The following DNM3 variants were observed in gnomAD, a reference collection of about 807,000 sequenced individuals.
The protein encoded by DNM3 is dynamin-3.
Under a neutral mutation model 101.6 loss-of-function variants are expected in DNM3, and 47 were observed. The observed-to-expected ratio is 0.46, with a 90% CI of 0.37 to 0.59. DNM3 has a LOEUF of 0.59. Ranked by LOEUF, DNM3 falls within the 20% of genes least tolerant of loss-of-function variation. The probability of loss-of-function intolerance (pLI) is 0.00; values close to 1 mark genes in which losing one functional copy is unlikely to be tolerated. For missense variants in DNM3, 849 were observed against 1,085.7 expected, an observed-to-expected ratio of 0.78 and a Z score of 3.06; for synonymous variants, 385 against 387.9, an observed-to-expected ratio of 0.99 and a Z score of 0.09.
chr1:171,902,831 A>T (rs1330986974), intron 1 of DNM3, among the ~76,000 whole-genome samples: 4 of 152,202 alleles, frequency 2.6e-5, no homozygotes, highest in Non-Finnish European at 5.9e-5. Flanking sequence ...CTGTGCTATG[A>T]GTGAAAAATT....
intron 2 of DNM3, among the ~76,000 whole-genome samples, chr1:171,980,880 C>T (rs1050692636): frequency 6.6e-6 from 1 of 150,786 alleles, no homozygotes; most frequent in Non-Finnish European, 1.5e-5. Flanking sequence ...AGGTGATTCT[C>T]CTGCCTCAGC....
intron 13 of DNM3, among the ~76,000 whole-genome samples, chr1:172,109,815 C>T (rs1174385956): frequency 2.0e-5 from 3 of 152,136 alleles, no homozygotes; most frequent in Admixed American, 2.0e-4. Context: ...TATTAAGTTT[C>T]CTCCTGGAGT....
At chr1:172,334,569 G>A (rs2066335375) in intron 17 of DNM3, among the ~76,000 whole-genome samples, 1 of 152,174 alleles carries the variant, frequency 6.6e-6, no homozygotes, top group African/African-American at 2.4e-5. Flanking sequence ...ATTTGGACCT[G>A]TGTCCTTCAT....
intron 11 of DNM3, among the ~76,000 whole-genome samples, chr1:172,077,503 G>A (rs940316896): frequency 6.6e-6 from 1 of 152,132 alleles, no homozygotes; most frequent in African/African-American, 2.4e-5. Context: ...AGAGATTCTG[G>A]TACATTGTGT....
intron 17 of DNM3, among the ~76,000 whole-genome samples, chr1:172,363,953 T>C (rs1156931666): frequency 6.6e-6 from 1 of 151,948 alleles, no homozygotes; most frequent in Non-Finnish European, 1.5e-5. Context: ...TCCATAGCCT[T>C]GCCTGGCTCC....
chr1:171,846,173 C>T (rs2032061028), intron 1 of DNM3, among the ~76,000 whole-genome samples: 1 of 152,086 alleles, frequency 6.6e-6, no homozygotes, highest in African/African-American at 2.4e-5. Context: ...ATTGGTAGAA[C>T]TTGAAATCAC....
At chr1:172,065,994 A>G (rs2051625637) in intron 10 of DNM3, among the ~76,000 whole-genome samples, 1 of 152,194 alleles carries the variant, frequency 6.6e-6, no homozygotes, top group African/African-American at 2.4e-5. Context: ...TTGCTAAGAC[A>G]CTAATATATG....
At chr1:171,912,269 G>A (rs746355156) in intron 1 of DNM3, among the ~76,000 whole-genome samples, 2 of 152,014 alleles carry the variant, frequency 1.3e-5, no homozygotes, top group African/African-American at 2.4e-5. Flanking sequence ...TGTTTAAAGC[G>A]CAGGTGTATG....
At chr1:172,029,803 A>G (rs940004606) in intron 4 of DNM3, among the ~76,000 whole-genome samples, 1 of 152,188 alleles carries the variant, frequency 6.6e-6, no homozygotes, top group African/African-American at 2.4e-5. Context: ...ACTCCCATTC[A>G]TGATTGCTAC....
At chr1:171,913,801 T>C (rs2039494838) in intron 1 of DNM3, among the ~76,000 whole-genome samples, 1 of 152,178 alleles carries the variant, frequency 6.6e-6, no homozygotes, top group South Asian at 2.1e-4. Context: ...GCACAGATTT[T>C]TTTTTTAGAC....
Position 172,048,712 on chromosome 1 carries a change from C to G in DNM3, c.1297C>G (p.Gln433Glu). 6.2e-7 allele frequency: 1 copy of G among 1,613,178 alleles called. No individual in the cohort carries two copies. Reference sequence around the variant, plus strand: ...CTTGAAGAGTGTGGATCTGGTAATACAAGAATTAATCAACACTGTGAAGAA... The same window carrying G: ...CTTGAAGAGTGTGGATCTGGTAATAGAAGAATTAATCAACACTGTGAAGAA... ...PSLKSVDLVI[Q>E]ELINTVKKCT... The change falls in exon 10 of 21, where the codon CAA becomes GAA. Residue 433 changes from glutamine to glutamate, a missense_variant. Physicochemically the swap from Gln to Glu is conservative, Grantham distance 29 (BLOSUM62 2). Transcript: ENST00000627582.
chr1:172,093,917 A>T (rs2054081955), intron 13 of DNM3, among the ~76,000 whole-genome samples: 1 of 152,166 alleles, frequency 6.6e-6, no homozygotes, highest in Non-Finnish European at 1.5e-5. Flanking sequence ...ACTGCTAATA[A>T]CTTGCTGTGA....
chr1:171,931,188 C>A (rs1187572886), intron 2 of DNM3, among the ~76,000 whole-genome samples: 1 of 152,154 alleles, frequency 6.6e-6, no homozygotes, highest in Non-Finnish European at 1.5e-5. Context: ...ATATTCCATG[C>A]TCAATGACTG....
chr1:171,891,851 C>G (rs1190853110), intron 1 of DNM3, among the ~76,000 whole-genome samples: 3 of 152,170 alleles, frequency 2.0e-5, no homozygotes, highest in African/African-American at 7.2e-5. Context: ...GTCAGGCTTT[C>G]CCTTTCTATC....
chr1:172,038,263 T>TAATCTGTGTATATGATTCAATCTTC, intron 6 of DNM3, 56 bp from the exon 7 acceptor site: 1 of 1,592,444 alleles, frequency 6.3e-7, no homozygotes, highest in Non-Finnish European at 8.5e-7. Flanking sequence ...AGTTAATCTT[T>TAATCTGTGTATATGATTCAATCTTC]AATCTGTGTA....
intron 1 of DNM3, among the ~76,000 whole-genome samples, chr1:171,909,058 CAT>C (rs1345893338): frequency 1.3e-5 from 2 of 152,110 alleles, no homozygotes; most frequent in Admixed American, 1.3e-4. Context: ...AAATAAATGA[CAT>C]AGTCTTTGCT....
chr1:172,354,845 C>T (rs1402643017), intron 17 of DNM3, among the ~76,000 whole-genome samples: 3 of 151,828 alleles, frequency 2.0e-5, no homozygotes, highest in Admixed American at 1.3e-4. Context: ...TACTTCAGCC[C>T]GAAAAAATTG....
chr1:172,220,840 T>G (rs1161293046), intron 14 of DNM3, among the ~76,000 whole-genome samples: 1 of 152,204 alleles, frequency 6.6e-6, no homozygotes, highest in Non-Finnish European at 1.5e-5. Flanking sequence ...GAGTACTTCT[T>G]TATTTGTTAA....
intron 15 of DNM3, among the ~76,000 whole-genome samples, chr1:172,271,197 G>A (rs1312550196): frequency 1.3e-5 from 2 of 152,052 alleles, no homozygotes; most frequent in Non-Finnish European, 2.9e-5. Flanking sequence ...TTTGAAACTG[G>A]CCATAGTGAG....
Sources: allele counts gnomAD v4.1 joint callset (sites outside exome capture counted in the v4.1 genomes callset), GRCh38; gene constraint gnomAD v4.1.1; transcripts MANE v1.5; gene names NCBI Gene and HGNC (gene_info 2026-07-23, HGNC 2026-07-21).